Variants in DST observed in about 807,000 individuals in gnomAD.
DST encodes the protein bullous pemphigoid antigen.
In DST, 253 loss-of-function variants were observed where a neutral mutation model predicts 875.2. That is an observed-to-expected ratio of 0.29 (90% CI 0.26 to 0.32). The LOEUF (loss-of-function observed/expected upper bound fraction) is 0.32. DST is among the 10% of genes least tolerant of loss of function. The probability of loss-of-function intolerance (pLI) is 1.00; values close to 1 mark genes in which losing one functional copy is unlikely to be tolerated. For synonymous variants in DST, 3,124 were observed against 3,197.1 expected, an observed-to-expected ratio of 0.98 and a Z score of 0.77; for missense variants, 8,287 against 9,111.6, an observed-to-expected ratio of 0.91 and a Z score of 3.68.
intron 69 of DST, 84 bp downstream of exon 69, chr6:56,526,277 T>C: frequency 7.3e-7 from 1 of 1,363,328 alleles, no homozygotes. Flanking sequence ...GGAAACAGTA[T>C]TAACAGTCAT....
In DST at chr6:56,605,328, ATTGT is replaced by A. The variant is rs765308857; in HGVS notation, c.9296_9299del (p.Asn3099MetfsTer15). On this transcript the variant is annotated frameshift_variant, in exon 40 of 104. Coordinates refer to ENST00000680361, the MANE Select transcript of DST (RefSeq NM_001374736.1). LOFTEE classifies it high-confidence loss of function. ...GGCTTCCTTTCTGATTAAGTTCTTC[ATTGT>A]TTGTGATTTGTGGAAATGGAAACTG... 3 of 1,612,136 alleles carry A rather than the reference ATTGT, an allele frequency of 1.9e-6. No homozygotes were observed. The highest frequency in any genetic ancestry group is 2.7e-5 in the African/African-American group (2 of 74,814).
chr6:56,899,984 G>A (rs1296975387), intron 3 of DST, among the ~76,000 whole-genome samples: 1 of 152,186 alleles, frequency 6.6e-6, no homozygotes, highest in Non-Finnish European at 1.5e-5. Context: ...TGGCTCAAGA[G>A]CCTCCAGGAG....
chr6:56,944,685 T>A (rs1229344223), intron 2 of DST, among the ~76,000 whole-genome samples: 1 of 152,218 alleles, frequency 6.6e-6, no homozygotes, highest in Non-Finnish European at 1.5e-5. Flanking sequence ...GAATGAACTT[T>A]ATGATCTTGA....
rs1384442910 is a variant in DST at position 56,509,748 on chromosome 6, C to A, written c.18906G>T (p.Val6302=). 6.2e-7 allele frequency: 1 copy of A among 1,613,710 alleles called. No individual in the cohort carries two copies. Among genetic ancestry groups the A allele is most frequent in the Admixed American group, 1.7e-5 (1 of 59,990 alleles). Reference sequence around the variant, plus strand: ...GCTGTAGCTTTTCCATGTCTACTGACACATTCTTATTTTCACTGATCTGTT... The same window carrying A: ...GCTGTAGCTTTTCCATGTCTACTGAAACATTCTTATTTTCACTGATCTGTT... The part of the protein sequence containing the change: ...IKEQISENKN[V]SVDMEKLQPL... The change falls in exon 74 of 104, where the codon GTG becomes GTT. Residue 6302 remains valine (V), a synonymous_variant. Coordinates refer to ENST00000680361, the MANE Select transcript of DST (RefSeq NM_001374736.1).
intron 9 of DST, among the ~76,000 whole-genome samples, chr6:56,694,874 C>T (rs750720263): frequency 1.8e-4 from 27 of 152,112 alleles, no homozygotes; most frequent in Admixed American, 5.9e-4. Flanking sequence ...TGCCTGTAAT[C>T]CCAGCACTTT....
At chr6:56,854,075 T>C (rs1766649704) in intron 3 of DST, among the ~76,000 whole-genome samples, 1 of 152,142 alleles carries the variant, frequency 6.6e-6, no homozygotes, top group Non-Finnish European at 1.5e-5. Context: ...GTAAACTATA[T>C]AAAAGTAGGC....
chr6:56,462,985 A>G, intron 102 of DST, 61 bp downstream of exon 102: 1 of 917,726 alleles, frequency 1.1e-6, no homozygotes, highest in Non-Finnish European at 1.7e-6. Flanking sequence ...CAACGATGTT[A>G]GTGAGTGATA....
At chr6:56,646,901 C>T (rs1053726285) in intron 13 of DST, among the ~76,000 whole-genome samples, 1 of 152,174 alleles carries the variant, frequency 6.6e-6, no homozygotes, top group Non-Finnish European at 1.5e-5. Context: ...CATTGTAATT[C>T]ATGCAGCTAC....
At chr6:56,695,577 T>C (rs2099259039) in intron 9 of DST, among the ~76,000 whole-genome samples, 1 of 152,196 alleles carries the variant, frequency 6.6e-6, no homozygotes, top group Non-Finnish European at 1.5e-5. Context: ...CCCACTACAA[T>C]GCTCCTTTCC....
intron 69 of DST, among the ~76,000 whole-genome samples, chr6:56,518,818 A>T (rs2096643269): frequency 6.6e-6 from 1 of 152,192 alleles, no homozygotes; most frequent in Non-Finnish European, 1.5e-5. Context: ...GTACTGCCAG[A>T]TCTTCTAACT....
intron 4 of DST, among the ~76,000 whole-genome samples, chr6:56,750,086 G>A (rs1003958859): frequency 3.9e-5 from 6 of 152,194 alleles, no homozygotes; most frequent in African/African-American, 1.4e-4. Flanking sequence ...CACATTAAAT[G>A]TTAAGTGTGT....
chr6:56,460,709 C>G (rs900955988), intron 102 of DST: 3 of 152,612 alleles, frequency 2.0e-5, no homozygotes, highest in African/African-American at 7.2e-5. Context: ...TGGAGCCAGG[C>G]AGAGACAGAC....
intron 88 of DST, among the ~76,000 whole-genome samples, chr6:56,483,223 G>C (rs2095454330): frequency 6.6e-6 from 1 of 152,130 alleles, no homozygotes. Context: ...TTTTCTTAAT[G>C]ATTCTTTAAT....
chr6:56,743,645 A>C (rs1167782827), intron 4 of DST, among the ~76,000 whole-genome samples: 6 of 151,856 alleles, frequency 4.0e-5, no homozygotes, highest in African/African-American at 9.6e-5. Flanking sequence ...ACACATATAT[A>C]ACACACACAC....
Position 56,604,638 on chromosome 6 carries a change from T to C in DST, c.9990A>G (p.Glu3330=), listed in dbSNP as rs2152708285. Reference sequence around the variant, plus strand: ...CTTGGGATCTTGGAGACAAGGCTTGTTCTTTTGGTAGCTGTTGCTCAATTC... The same window carrying C: ...CTTGGGATCTTGGAGACAAGGCTTGCTCTTTTGGTAGCTGTTGCTCAATTC... The part of the protein sequence containing the change: ...KERIEQQLPK[E]QALSPRSQEK... Residue 3330 remains glutamate (E), a synonymous_variant, in exon 40 of 104, where the codon GAA becomes GAG. Coordinates refer to ENST00000680361, the MANE Select transcript of DST (RefSeq NM_001374736.1). 6.2e-7 allele frequency: 1 copy of C among 1,612,610 alleles called. No homozygotes were observed. Among genetic ancestry groups the C allele is most frequent in the Non-Finnish European group, 8.5e-7 (1 of 1,179,162 alleles).
chr6:56,531,536 T>C (rs1399248960), intron 64 of DST, among the ~76,000 whole-genome samples: 1 of 152,198 alleles, frequency 6.6e-6, no homozygotes, highest in Non-Finnish European at 1.5e-5. Context: ...TAATTAATTA[T>C]ACTCTGTATT....
rs560167448 is a variant in DST, at chr6:56,590,076, A to G, written c.12903+2106T>C. Among the ~76,000 whole-genome samples the G allele has an allele frequency of 4.7e-4, 72 of 152,358 alleles. 1 individual carries two copies. The South Asian group carries it at 4.8e-3, about 10-fold the overall frequency. On this transcript the variant is annotated intron_variant, in intron 49 of 103. Transcript: ENST00000680361. ...ATACATTCTGAAATCTTCTGAGAGA[A>G]AAATATGTGCATTATCAGCAACAAC...
chr6:56,903,011 T>C (rs940919635), intron 2 of DST, among the ~76,000 whole-genome samples: 5 of 151,906 alleles, frequency 3.3e-5, no homozygotes, highest in African/African-American at 1.2e-4. Flanking sequence ...ATAATTTTTC[T>C]ACACTTTGAA....
chr6:56,711,600 T>C (rs2152894397), intron 5 of DST, among the ~76,000 whole-genome samples: 1 of 152,316 alleles, frequency 6.6e-6, no homozygotes, highest in East Asian at 1.9e-4. Context: ...AATTCAGAAA[T>C]CAATATACTC....
Sources: gnomAD v4.1 joint callset for allele counts (sites outside exome capture counted in the v4.1 genomes callset) on GRCh38, gnomAD v4.1.1 for gene constraint, MANE v1.5 for transcripts, NCBI Gene and HGNC (gene_info 2026-07-23, HGNC 2026-07-21) for gene names.